The following TAS2R1 variants were observed in gnomAD, a reference collection of about 807,000 sequenced individuals.
TAS2R1 encodes the protein taste 2 receptor member 1, also known as taste receptor type 2 member 1.
For synonymous variants in TAS2R1, 141 were observed against 134.2 expected (o/e 1.05, Z -0.35); for missense variants, 370 against 353.4 (o/e 1.05, Z -0.38).
the TAS2R1 span, among the ~76,000 whole-genome samples, chr5:9,741,345 A>G: frequency 6.6e-6 from 1 of 152,158 alleles, no homozygotes; most frequent in Non-Finnish European, 1.5e-5. Flanking sequence ...GGTCAATGGG[A>G]CCCGCTTCTC....
chr5:9,891,718 G>C, the TAS2R1 span, among the ~76,000 whole-genome samples: 4 of 152,174 alleles, frequency 2.6e-5, no homozygotes, highest in African/African-American at 4.8e-5. Flanking sequence ...GCAGATGGAA[G>C]CCCAGAGAAC....
At chr5:9,699,679 C>G (rs144458089) in intron 1 of TAS2R1, among the ~76,000 whole-genome samples, 66 of 152,236 alleles carry the variant, frequency 4.3e-4, no homozygotes, top group African/African-American at 1.2e-3. Context: ...TATCTCTGGA[C>G]AGTCGTGATA....
chr5:9,668,175 G>A (rs1234507814), intron 1 of TAS2R1, among the ~76,000 whole-genome samples: 1 of 152,092 alleles, frequency 6.6e-6, no homozygotes, highest in Non-Finnish European at 1.5e-5. Context: ...GAATCTCAGA[G>A]CTCCAAGAGC....
the TAS2R1 span, among the ~76,000 whole-genome samples, chr5:9,847,159 T>C: frequency 6.6e-6 from 1 of 152,192 alleles, no homozygotes; most frequent in Non-Finnish European, 1.5e-5. Flanking sequence ...AAGTTGATCT[T>C]CCTCTCAACA....
the TAS2R1 span, among the ~76,000 whole-genome samples, chr5:9,885,852 G>A: frequency 3.3e-5 from 5 of 151,906 alleles, no homozygotes; most frequent in East Asian, 3.9e-4. Flanking sequence ...AACAAAACTC[G>A]CACAGTGATC....
chr5:9,865,678 C>A, the TAS2R1 span, among the ~76,000 whole-genome samples: 7 of 152,268 alleles, frequency 4.6e-5, no homozygotes, highest in South Asian at 2.1e-4. Flanking sequence ...AAGTAAAATT[C>A]TAGGTTCACA....
At chr5:9,757,660 T>C in the TAS2R1 span, among the ~76,000 whole-genome samples, 27 of 152,300 alleles carry the variant, frequency 1.8e-4, no homozygotes, top group East Asian at 4.4e-3. Flanking sequence ...TGTCTAGATA[T>C]CTAAGAATTA....
chr5:9,730,798 T>G, the TAS2R1 span, among the ~76,000 whole-genome samples: 1 of 152,126 alleles, frequency 6.6e-6, no homozygotes, highest in Non-Finnish European at 1.5e-5. Context: ...GGTAATTGAA[T>G]CATGGGGCAG....
intron 1 of TAS2R1, among the ~76,000 whole-genome samples, chr5:9,662,309 T>G (rs1740553056): frequency 6.6e-6 from 1 of 152,230 alleles, no homozygotes; most frequent in Admixed American, 6.5e-5. Flanking sequence ...TTATTTTTAT[T>G]CCCACTGCAT....
At chr5:9,710,551 G>A (rs191460841) in intron 1 of TAS2R1, among the ~76,000 whole-genome samples, 10 of 152,208 alleles carry the variant, frequency 6.6e-5, no homozygotes, top group East Asian at 3.9e-4. Context: ...AAAGGTTTCC[G>A]CACACCTAAG....
At chr5:9,750,928 G>A in the TAS2R1 span, among the ~76,000 whole-genome samples, 1 of 151,842 alleles carries the variant, frequency 6.6e-6, no homozygotes, top group Admixed American at 6.6e-5. Flanking sequence ...ACTGTCTCAG[G>A]AGAGGCAGAG....
chr5:9,888,398 GC>G, the TAS2R1 span, among the ~76,000 whole-genome samples: 1 of 152,134 alleles, frequency 6.6e-6, no homozygotes. Flanking sequence ...CTTCCCCAAA[GC>G]CCCAAAGACT....
At chr5:9,780,700 C>T in the TAS2R1 span, among the ~76,000 whole-genome samples, 15 of 151,920 alleles carry the variant, frequency 9.9e-5, no homozygotes, top group African/African-American at 1.7e-4. Flanking sequence ...TGCGCGCGCG[C>T]GCGCATGCAC....
the TAS2R1 span, among the ~76,000 whole-genome samples, chr5:9,835,514 A>G: frequency 1.6e-3 from 250 of 152,386 alleles, no homozygotes; most frequent in African/African-American, 5.7e-3. Context: ...GCTGTCACCT[A>G]TTCAGCCTCT....
At chr5:9,647,578 C>G (rs964217394) in intron 2 of TAS2R1, among the ~76,000 whole-genome samples, 4 of 152,040 alleles carry the variant, frequency 2.6e-5, no homozygotes, top group Non-Finnish European at 5.9e-5. Context: ...GTCCTCCAGC[C>G]ACGTGAATAG....
intron 1 of TAS2R1, among the ~76,000 whole-genome samples, chr5:9,680,125 G>C (rs1281275115): frequency 6.6e-6 from 1 of 152,142 alleles, no homozygotes; most frequent in Non-Finnish European, 1.5e-5. Context: ...ACCAAAAGTT[G>C]TTAAAGATTG....
intron 1 of TAS2R1, among the ~76,000 whole-genome samples, chr5:9,668,467 C>G (rs1053723600): frequency 6.6e-6 from 1 of 152,018 alleles, no homozygotes; most frequent in African/African-American, 2.4e-5. Flanking sequence ...ATCAGATCCT[C>G]CAAGATCAAA....
intron 1 of TAS2R1, among the ~76,000 whole-genome samples, chr5:9,664,259 T>C (rs528178625): frequency 6.6e-6 from 1 of 152,346 alleles, no homozygotes; most frequent in South Asian, 2.1e-4. Flanking sequence ...TCTAGCCTCC[T>C]TTGAGTTCTG....
At chr5:9,693,189 T>C (rs987959821) in intron 1 of TAS2R1, among the ~76,000 whole-genome samples, 2 of 152,112 alleles carry the variant, frequency 1.3e-5, no homozygotes, top group African/African-American at 2.4e-5. Context: ...GATGAATATA[T>C]AGATTGTACA....
Sources: allele counts gnomAD v4.1 joint callset (sites outside exome capture counted in the v4.1 genomes callset), GRCh38; gene constraint gnomAD v4.1.1; transcripts MANE v1.5; gene names NCBI Gene and HGNC (gene_info 2026-07-23, HGNC 2026-07-21).